Variants in ZNF613 observed in about 807,000 individuals in gnomAD.
The protein encoded by ZNF613 is zinc finger protein 613.
Under a neutral mutation model 14.3 loss-of-function variants are expected in ZNF613, and 8 were observed. The observed-to-expected ratio is 0.56, with a 90% CI of 0.33 to 1.01. The LOEUF (loss-of-function observed/expected upper bound fraction) is 1.01. ZNF613 is among the 50% of genes least tolerant of loss of function. The probability of loss-of-function intolerance (pLI) is 0.03; values close to 1 mark genes in which losing one functional copy is unlikely to be tolerated. For missense variants in ZNF613, 656 were observed against 741.9 expected (o/e 0.88, Z 1.35); for synonymous variants, 228 against 254.5 (o/e 0.90, Z 0.99).
chr19:51,944,504 T>C lies in ZNF613; in HGVS notation c.621T>C (p.Thr207=), dbSNP rs749278032. 6.2e-7 allele frequency: 1 copy of C among 1,611,782 alleles called. No individual in the cohort carries two copies. Among genetic ancestry groups the C allele is most frequent in the African/African-American group, 1.3e-5 (1 of 74,988 alleles). The change falls in exon 6 of 6, where the codon ACT becomes ACC. Residue 207 remains threonine, a synonymous_variant. Transcript: ENST00000293471. ...ACATAGATAAACCCCATGTATGCAC[T>C]GAGTGTGGGAAGGCTTTCCTCAAGA... ...TQNIDKPHVC[T]ECGKAFLKKS... is the part of the protein sequence containing the mutation.
At chr19:51,931,102 G>C (rs953895135) in intron 2 of ZNF613, among the ~76,000 whole-genome samples, 1 of 152,102 alleles carries the variant, frequency 6.6e-6, no homozygotes, top group Non-Finnish European at 1.5e-5. Context: ...ATTTTTAATA[G>C]CTAGATAGCT....
At chr19:51,935,642 T>C (rs1035031388) in intron 2 of ZNF613, among the ~76,000 whole-genome samples, 1 of 152,260 alleles carries the variant, frequency 6.6e-6, no homozygotes, top group African/African-American at 2.4e-5. Flanking sequence ...TGATGACTTT[T>C]GACCAGGCAT....
intron 3 of ZNF613, 85 bp from the exon 4 acceptor site, chr19:51,940,124 A>G (rs10409737): frequency 0.16 from 242,781 of 1,548,064 alleles, 25,190 homozygotes; most frequent in African/African-American, 0.49. Context: ...ACTATTTGGT[A>G]AAAATGAGCA....
intron 2 of ZNF613, among the ~76,000 whole-genome samples, chr19:51,933,649 C>T (rs2085284384): frequency 6.6e-6 from 1 of 152,092 alleles, no homozygotes; most frequent in Non-Finnish European, 1.5e-5. Context: ...CTGTTCCCTC[C>T]AGGGCCTGAA....
At chr19:51,935,976 G>A (rs2085302537) in intron 2 of ZNF613, 52 bp from the exon 3 acceptor site, 1 of 419,376 alleles carries the variant, frequency 2.4e-6, no homozygotes, top group South Asian at 7.7e-5. Context: ...CAGCAGCAGT[G>A]ACAGCACCTG....
chr19:51,928,619 G>A (rs1301833444), intron 1 of ZNF613, among the ~76,000 whole-genome samples: 2 of 152,166 alleles, frequency 1.3e-5, no homozygotes, highest in Non-Finnish European at 2.9e-5. Flanking sequence ...CCCAGCATTT[G>A]GGAGGCCAAA....
At chr19:51,939,488 C>T (rs1435520408) in intron 3 of ZNF613, among the ~76,000 whole-genome samples, 1 of 151,914 alleles carries the variant, frequency 6.6e-6, no homozygotes, top group African/African-American at 2.4e-5. Flanking sequence ...ACCACCATGC[C>T]TGGCTAATTT....
chr19:51,939,222 C>T (rs144842469), intron 3 of ZNF613, among the ~76,000 whole-genome samples: 55 of 151,964 alleles, frequency 3.6e-4, no homozygotes, highest in African/African-American at 1.1e-3. Flanking sequence ...GCTGCTTACA[C>T]GCCTGATAAC....
In ZNF613 at chr19:51,944,600, A is replaced by G; in HGVS notation, c.717A>G (p.Lys239=). The change falls in exon 6 of 6, where the codon AAA becomes AAG. Residue 239 remains lysine (K), a synonymous_variant. Transcript: ENST00000293471. ...EKPHGCSICG[K]AFSRKSGLTE... Reference sequence around the variant, plus strand: ...CTCATGGATGCAGTATATGTGGGAAAGCCTTCTCCAGAAAGTCCGGGCTCA... The same window carrying G: ...CTCATGGATGCAGTATATGTGGGAAGGCCTTCTCCAGAAAGTCCGGGCTCA... The G allele has an allele frequency of 6.2e-7, 1 of 1,614,142 alleles. No individual in the cohort carries two copies. The highest frequency in any genetic ancestry group is 2.2e-5 in the East Asian group (1 of 44,888).
intron 3 of ZNF613, among the ~76,000 whole-genome samples, chr19:51,939,751 C>T (rs1412226556): frequency 2.0e-5 from 3 of 151,988 alleles, no homozygotes; most frequent in Admixed American, 6.5e-5. Context: ...ATAAAATATA[C>T]TTATTTATTA....
rs1395048692 is a variant in ZNF613 at position 51,945,558 on chromosome 19, A to G, written c.1675A>G (p.Thr559Ala). The part of the protein sequence containing the change: ...PCSESHSLSH[T>A]RDLIQDKDSV... Reference sequence around the variant, plus strand: ...CTCAGAGAGTCATAGCTTATCACATACACGTGATCTCATACAGGATAAAGA... The same window carrying G: ...CTCAGAGAGTCATAGCTTATCACATGCACGTGATCTCATACAGGATAAAGA... The change falls in exon 6 of 6, where the codon ACA (threonine) becomes GCA (alanine). Residue 559 changes from threonine (T) to alanine (A), a missense_variant. By Grantham distance (58) the Thr-to-Ala change is moderately conservative (BLOSUM62 0). Transcript: ENST00000293471. The G allele has an allele frequency of 6.2e-7, 1 of 1,614,138 alleles. No individual in the cohort carries two copies. The highest frequency in any genetic ancestry group is 1.7e-5 in the Admixed American group (1 of 60,022).
chr19:51,943,380 C>T (rs2085365894), intron 5 of ZNF613, among the ~76,000 whole-genome samples: 1 of 152,200 alleles, frequency 6.6e-6, no homozygotes, highest in South Asian at 2.1e-4. Context: ...TGAAATCTTG[C>T]ACCATCTTGC....
chr19:51,939,246 C>T (rs2085328644), intron 3 of ZNF613, among the ~76,000 whole-genome samples: 1 of 151,794 alleles, frequency 6.6e-6, no homozygotes, highest in African/African-American at 2.4e-5. Flanking sequence ...AATATAAATA[C>T]TTCAAAACCC....
rs1478986726 is a variant in ZNF613 at position 51,945,043 on chromosome 19, T to C, written c.1160T>C (p.Leu387Pro). ...AAAGGCTTCATTCAGAAGGGAAATC[T>C]CATTGTACATCAGCGAATTCATACT... The part of the protein sequence containing the change: ...CGKGFIQKGN[L>P]IVHQRIHTGE... Residue 387 changes from leucine to proline, a missense_variant, in exon 6 of 6, where the codon CTC becomes CCC. Coordinates refer to ENST00000293471, the MANE Select transcript of ZNF613 (RefSeq NM_001031721.4). 6.2e-7 allele frequency: 1 copy of C among 1,614,196 alleles called. No homozygotes were observed. Among genetic ancestry groups the C allele is most frequent in the East Asian group, 2.2e-5 (1 of 44,886 alleles).
Position 51,936,185 on chromosome 19 carries a change from TC to T in ZNF613, c.-34del, listed in dbSNP as rs758729832. On this transcript the variant is annotated 5_prime_UTR_variant, in exon 3 of 6. Coordinates refer to ENST00000293471, the MANE Select transcript of ZNF613 (RefSeq NM_001031721.4). ...TCAAGGAGAGACTACAGACACAGCATCCTACTTACTGGCTATTTCCCAGTAA... is the reference window on the plus strand; with the variant it reads ...TCAAGGAGAGACTACAGACACAGCATCTACTTACTGGCTATTTCCCAGTAA... The T allele has an allele frequency of 1.1e-4, 177 of 1,600,288 alleles. No homozygotes were observed. Among genetic ancestry groups the T allele is most frequent in the Non-Finnish European group, 1.4e-4 (167 of 1,173,936 alleles).
chr19:51,932,649 T>A (rs2085275618), intron 2 of ZNF613, among the ~76,000 whole-genome samples: 2 of 151,838 alleles, frequency 1.3e-5, no homozygotes, highest in African/African-American at 4.8e-5. Context: ...ATAAATGAAA[T>A]CATATAACGT....
chr19:51,931,646 T>A (rs946204051), intron 2 of ZNF613, among the ~76,000 whole-genome samples: 1 of 152,202 alleles, frequency 6.6e-6, no homozygotes, highest in African/African-American at 2.4e-5. Context: ...TTTAATTTTT[T>A]AAAATGAGGT....
intron 3 of ZNF613, among the ~76,000 whole-genome samples, chr19:51,938,173 G>A (rs139686453): frequency 6.9e-6 from 1 of 145,676 alleles, no homozygotes; most frequent in East Asian, 1.9e-4. Context: ...CCAGTCTTAT[G>A]GCTGGTAGGG....
At position 51,945,390 on chromosome 19, in the gene ZNF613, C is replaced by A. The variant is rs776131298; in HGVS notation, c.1507C>A (p.Arg503=). The A allele has an allele frequency of 1.9e-6, 3 of 1,613,598 alleles. No homozygotes were observed. The highest frequency in any genetic ancestry group is 2.5e-6 in the Non-Finnish European group (3 of 1,179,690). ...AGATAAATCATGTCTCAACAGACAT[C>A]GGAGAACTCATACAGGGGAGAGACC... The part of the protein sequence containing the change: ...FRDKSCLNRH[R]RTHTGERPYG... Residue 503 remains arginine, a synonymous_variant, in exon 6 of 6, where the codon CGG becomes AGG. Coordinates refer to ENST00000293471, the MANE Select transcript of ZNF613 (RefSeq NM_001031721.4).
Sources: allele counts gnomAD v4.1 joint callset (sites outside exome capture counted in the v4.1 genomes callset), GRCh38; gene constraint gnomAD v4.1.1; transcripts MANE v1.5; gene names NCBI Gene and HGNC (gene_info 2026-07-23, HGNC 2026-07-21).